The following AKAP19 variants were observed in gnomAD, a reference collection of about 807,000 sequenced individuals.
AKAP19 encodes the protein small A-kinase anchoring protein.
the AKAP19 span, among the ~76,000 whole-genome samples, chr2:189,969,157 A>G: frequency 6.6e-5 from 10 of 152,256 alleles, no homozygotes; most frequent in East Asian, 1.5e-3. Flanking sequence ...CCCCAAAATC[A>G]TATGTTGAAA....
chr2:190,060,783 C>T, the AKAP19 span, among the ~76,000 whole-genome samples: 1 of 151,920 alleles, frequency 6.6e-6, no homozygotes, highest in Non-Finnish European at 1.5e-5. Flanking sequence ...GGAACAACCA[C>T]TTAGAATTCT....
At chr2:189,953,297 T>C in the AKAP19 span, among the ~76,000 whole-genome samples, 1 of 152,182 alleles carries the variant, frequency 6.6e-6, no homozygotes, top group Non-Finnish European at 1.5e-5. Flanking sequence ...TAAAATCAGC[T>C]GACAGTTATA....
At chr2:190,058,971 A>C in the AKAP19 span, among the ~76,000 whole-genome samples, 2 of 151,540 alleles carry the variant, frequency 1.3e-5, no homozygotes, top group Non-Finnish European at 2.9e-5. Context: ...GTACCCCCCA[A>C]CATATTGAAG....
At chr2:190,105,433 T>C in the AKAP19 span, among the ~76,000 whole-genome samples, 1 of 152,176 alleles carries the variant, frequency 6.6e-6, no homozygotes, top group East Asian at 1.9e-4. Context: ...TCATTGAGAC[T>C]CCTGGTTTAT....
the AKAP19 span, among the ~76,000 whole-genome samples, chr2:190,186,335 A>G: frequency 6.6e-6 from 1 of 152,084 alleles, no homozygotes; most frequent in South Asian, 2.1e-4. This position sits in a 1 kb window ranked among gnomAD's most constrained non-coding sequence, Gnocchi z 5.5. Flanking sequence ...GTTTATTAGA[A>G]TCTCAAACAT....
the AKAP19 span, among the ~76,000 whole-genome samples, chr2:189,926,816 C>T: frequency 6.6e-6 from 1 of 151,276 alleles, no homozygotes; most frequent in Non-Finnish European, 1.5e-5. Flanking sequence ...ATTTCCTGAC[C>T]TCATGATGCG....
chr2:190,057,273 G>A, the AKAP19 span: 1 of 1,613,252 alleles, frequency 6.2e-7, no homozygotes, highest in South Asian at 1.1e-5. Context: ...AGCACCCACA[G>A]CGGTCTACTA....
the AKAP19 span, among the ~76,000 whole-genome samples, chr2:190,009,887 A>G: frequency 6.1e-5 from 9 of 146,730 alleles, no homozygotes; most frequent in Middle Eastern, 3.5e-3. Flanking sequence ...TAACCAAGAG[A>G]AAAAAAAAAA....
chr2:190,087,745 C>T, the AKAP19 span, among the ~76,000 whole-genome samples: 1 of 152,350 alleles, frequency 6.6e-6, no homozygotes, highest in East Asian at 1.9e-4. Flanking sequence ...CCACCCTGCT[C>T]AGGGGCATCC....
At chr2:190,059,835 A>G in the AKAP19 span, among the ~76,000 whole-genome samples, 1 of 151,926 alleles carries the variant, frequency 6.6e-6, no homozygotes, top group African/African-American at 2.4e-5. Flanking sequence ...GAAGTATGGT[A>G]TAATTGTTTT....
chr2:190,164,661 G>C, the AKAP19 span, among the ~76,000 whole-genome samples: 1 of 151,950 alleles, frequency 6.6e-6, no homozygotes, highest in Non-Finnish European at 1.5e-5. Flanking sequence ...TAATGCTTCA[G>C]TTAAGAATTA....
chr2:190,149,932 A>G, the AKAP19 span, among the ~76,000 whole-genome samples: 1 of 152,034 alleles, frequency 6.6e-6, no homozygotes, highest in Non-Finnish European at 1.5e-5. Flanking sequence ...ATCTCCCACT[A>G]TTATTGTGTT....
chr2:190,174,653 C>A, the AKAP19 span, among the ~76,000 whole-genome samples: 9 of 151,996 alleles, frequency 5.9e-5, no homozygotes, highest in Non-Finnish European at 1.3e-4. Flanking sequence ...GGCACATATG[C>A]CCTAAGTAAA....
At chr2:190,095,005 A>G in the AKAP19 span, among the ~76,000 whole-genome samples, 1 of 152,198 alleles carries the variant, frequency 6.6e-6, no homozygotes, top group Non-Finnish European at 1.5e-5. Context: ...TGGGCGGATC[A>G]TGAGGTCAGG....
chr2:190,124,813 G>A, the AKAP19 span, among the ~76,000 whole-genome samples: 4 of 151,860 alleles, frequency 2.6e-5, no homozygotes, highest in Admixed American at 2.6e-4. Context: ...TTATACATCT[G>A]TACAAAAATA....
the AKAP19 span, among the ~76,000 whole-genome samples, chr2:190,053,785 A>ATT: frequency 6.6e-6 from 1 of 152,118 alleles, no homozygotes; most frequent in African/African-American, 2.4e-5. Flanking sequence ...TTGAATTTAG[A>ATT]TTTCTATTTG....
the AKAP19 span, among the ~76,000 whole-genome samples, chr2:189,937,934 G>A: frequency 1.3e-5 from 2 of 152,150 alleles, no homozygotes; most frequent in African/African-American, 4.8e-5. Context: ...AAGGAAATTG[G>A]CATACTGAAG....
chr2:190,003,871 G>GA, the AKAP19 span, among the ~76,000 whole-genome samples: 50 of 146,144 alleles, frequency 3.4e-4, no homozygotes, highest in East Asian at 8.8e-3. Context: ...TGTATAAAGA[G>GA]AAAAAAAAAA....
the AKAP19 span, among the ~76,000 whole-genome samples, chr2:190,039,061 TTCTTCCTC>T: frequency 4.7e-5 from 7 of 150,470 alleles, no homozygotes; most frequent in Non-Finnish European, 7.4e-5. Context: ...CTTCTTCCTC[TTCTTCCTC>T]TTCTTTTTTT....
Sources: allele counts gnomAD v4.1 joint callset (sites outside exome capture counted in the v4.1 genomes callset), GRCh38; gene constraint gnomAD v4.1.1; non-coding constraint Gnocchi (gnomAD v3.1); transcripts MANE v1.5; gene names NCBI Gene and HGNC (gene_info 2026-07-23, HGNC 2026-07-21).